Variants in ELMO3 observed in about 807,000 individuals in gnomAD.
ELMO3 encodes the protein engulfment and cell motility 3.
A neutral mutation model predicts 89.0 loss-of-function variants in ELMO3; 81 were observed. That is an observed-to-expected ratio of 0.91 (90% CI 0.76 to 1.09). ELMO3 has a LOEUF of 1.09. ELMO3 is among the 50% of genes least tolerant of loss of function. The pLI, the probability that ELMO3 is intolerant of heterozygous loss-of-function variation, is 0.00. For synonymous variants in ELMO3, 406 were observed against 400.6 expected, an observed-to-expected ratio of 1.01 and a Z score of -0.16; for missense variants, 959 against 972.8, an observed-to-expected ratio of 0.99 and a Z score of 0.19.
rs1371380502 is a variant in ELMO3 at position 67,203,396 on chromosome 16, G to A, written c.1850G>A (p.Gly617Glu). 1 of 1,611,928 alleles carries A rather than the reference G, an allele frequency of 6.2e-7. No individual in the cohort carries two copies. Among genetic ancestry groups the A allele is most frequent in the South Asian group, 1.1e-5 (1 of 90,858 alleles). Residue 617 changes from glycine to glutamate, a missense_variant, in exon 18 of 20, where the codon GGG becomes GAG. Gly to Glu is a moderately conservative substitution (Grantham distance 98, BLOSUM62 -2). Coordinates refer to ENST00000393997, the MANE Select transcript of ELMO3 (RefSeq NM_024712.5). This position sits in a 1 kb window ranked among gnomAD's most constrained non-coding sequence, Gnocchi z 4.6. The stretch of plus-strand genomic sequence containing the variant: ...CCCCATGTCCGGGAGAAGGGCTCCG[G>A]GAAGCAGAACAAGGTGAGTACAGCG... The part of the protein sequence containing the change: ...DCPHVREKGS[G>E]KQNKDLYELA...
rs762993595 is a variant in ELMO3 at position 67,202,466 on chromosome 16, G to A, written c.1331G>A (p.Cys444Tyr). The A allele has an allele frequency of 3.7e-6, 6 of 1,613,362 alleles. No homozygotes were observed. In the Admixed American group the frequency reaches 1.0e-4, roughly 27 times the overall value. ...GACCAGAGCTTCCACGAGCTCTTCTGTGTGGGCATCCAGCTGTTGAATAAG... is the reference window on the plus strand; with the variant it reads ...GACCAGAGCTTCCACGAGCTCTTCTATGTGGGCATCCAGCTGTTGAATAAG... ...GQDQSFHELF[C>Y]VGIQLLNKTW... The change falls in exon 14 of 20, where the codon TGT becomes TAT. Residue 444 changes from cysteine to tyrosine, a missense_variant. Cys to Tyr is a radical substitution (Grantham distance 194). Transcript: ENST00000393997.
rs773245154 is a variant in ELMO3 at position 67,203,896 on chromosome 16, GC to G, written c.*21del. 10 of 1,534,360 alleles carry G rather than the reference GC, an allele frequency of 6.5e-6. No homozygotes were observed. In the South Asian group the frequency reaches 1.1e-4, roughly 17 times the overall value. On this transcript the variant is annotated 3_prime_UTR_variant, in exon 20 of 20. Coordinates refer to ENST00000393997, the MANE Select transcript of ELMO3 (RefSeq NM_024712.5). This position sits in a 1 kb window ranked among gnomAD's most constrained non-coding sequence, Gnocchi z 4.6. ...ACCTTGACAGTGTGGCTGGCCATGG[GC>G]CACAGCTGCGGCCACTGCAGCAGCC...
chr16:67,199,689 G>T lies in ELMO3; in HGVS notation c.125G>T (p.Ser42Ile). The change falls in exon 3 of 20, where the codon AGC (serine) becomes ATC (isoleucine). Residue 42 changes from serine to isoleucine, a missense_variant. Coordinates refer to ENST00000393997, the MANE Select transcript of ELMO3 (RefSeq NM_024712.5). ...AVLKEVCDAWSLTHSERYALQ... is the reference protein window; with the variant it reads ...AVLKEVCDAWILTHSERYALQ... ...CTGAGCCTCGTGCCCCTCAGGTGGA[G>T]CCTGACGCACTCTGAGCGTTACGCC... The T allele has an allele frequency of 1.9e-6, 3 of 1,610,518 alleles. No individual in the cohort carries two copies. Among genetic ancestry groups the T allele is most frequent in the Non-Finnish European group, 1.7e-6 (2 of 1,179,834 alleles).
intron 1 of ELMO3, 29 bp downstream of exon 1, chr16:67,199,433 C>T (rs761717786): frequency 1.9e-6 from 3 of 1,599,600 alleles, no homozygotes; most frequent in Non-Finnish European, 1.7e-6. Context: ...CCTCCATCTG[C>T]CCCACTGCCC....
Position 67,202,516 on chromosome 16 carries a change from CAGG to C in ELMO3, c.1386_1388del (p.Glu462del), listed in dbSNP as rs1257894839. On this transcript the variant is annotated inframe_deletion, in exon 14 of 20. Coordinates refer to ENST00000393997, the MANE Select transcript of ELMO3 (RefSeq NM_024712.5). ...GACCTGGAAGGAGATGCGGGCTACA[CAGG>C]AGGACTTCGACAAGGTGGGTGGGGT... 1 of 1,612,466 alleles carries C rather than the reference CAGG, an allele frequency of 6.2e-7. No individual in the cohort carries two copies. The highest frequency in any genetic ancestry group is 1.3e-5 in the African/African-American group (1 of 75,042).
At chr16:67,202,129 C>T (rs1222135994) in intron 12 of ELMO3, 47 bp from the exon 13 acceptor site, 7 of 1,608,156 alleles carry the variant, frequency 4.4e-6, no homozygotes, top group African/African-American at 1.3e-5. Context: ...AGGCAGGGTC[C>T]CCATGGGCTT....
chr16:67,201,082 G>A (rs2033094795), intron 8 of ELMO3, 114 bp downstream of exon 8: 1 of 1,190,160 alleles, frequency 8.4e-7, no homozygotes, highest in African/African-American at 1.6e-5. Context: ...GTCTTGCTCT[G>A]TCGCCCAGGC....
rs201512929 is a variant in ELMO3 at position 67,199,673 on chromosome 16, G to A, written c.120-11G>A. The A allele has an allele frequency of 1.6e-5, 26 of 1,609,484 alleles. 1 individual carries two copies. The South Asian group carries it at 2.9e-4, about 18-fold the overall frequency. On this transcript the variant is annotated splice_polypyrimidine_tract_variant and intron_variant, in intron 2 of 19. Coordinates refer to ENST00000393997, the MANE Select transcript of ELMO3 (RefSeq NM_024712.5). ...CCCCCTGCCGGCCTCGCTGAGCCTC[G>A]TGCCCCTCAGGTGGAGCCTGACGCA...
chr16:67,200,359 C>T lies in ELMO3; in HGVS notation c.411C>T (p.Asp137=), dbSNP rs780785375. 4.3e-6 allele frequency: 7 copies of T among 1,613,718 alleles called. No individual in the cohort carries two copies. The highest frequency in any genetic ancestry group is 3.3e-4 in the Middle Eastern group (2 of 6,084). The change falls in exon 5 of 20, where the codon GAC becomes GAT. Residue 137 remains aspartate (D), a splice_region_variant and synonymous_variant. Coordinates refer to ENST00000393997, the MANE Select transcript of ELMO3 (RefSeq NM_024712.5). ...QILGTIIEDG[D]DLGEVLALSL... ...TAGGCACCATCATTGAAGATGGGGA[C>T]GAGTGAGCACAGGGATGTGTGGGCT... is the stretch of plus-strand genomic sequence containing the variant.
At chr16:67,199,451 C>G in intron 1 of ELMO3, 47 bp downstream of exon 1, 1 of 1,596,478 alleles carries the variant, frequency 6.3e-7, no homozygotes, top group Non-Finnish European at 8.5e-7. Context: ...CCCCACCTCC[C>G]GGTAGCCCCC....
At position 67,200,178 on chromosome 16, in the gene ELMO3, TC is replaced by T; in HGVS notation, c.244-12del. On this transcript the variant is annotated splice_polypyrimidine_tract_variant and intron_variant, in intron 4 of 19. Transcript: ENST00000393997. ...CCAGCCTCTTCACCTCTGCTCCTGC[TC>T]CGTTCCTGCCAGGACCTTGAGGCTG... 1.9e-6 allele frequency: 3 copies of T among 1,608,500 alleles called. No homozygotes were observed. Among genetic ancestry groups the T allele is most frequent in the Non-Finnish European group, 2.5e-6 (3 of 1,176,648 alleles).
rs2033048976 is a variant in ELMO3, at chr16:67,199,577, A to C, written c.103A>C (p.Lys35Gln). 1.2e-6 allele frequency: 2 copies of C among 1,607,550 alleles called. No individual in the cohort carries two copies. Among genetic ancestry groups the C allele is most frequent in the Non-Finnish European group, 1.7e-6 (2 of 1,178,704 alleles). The change falls in exon 2 of 20, where the codon AAG becomes CAG. Residue 35 changes from lysine (K) to glutamine (Q), a missense_variant. Physicochemically the swap from Lys to Gln is moderately conservative, Grantham distance 53. Coordinates refer to ENST00000393997, the MANE Select transcript of ELMO3 (RefSeq NM_024712.5). The stretch of plus-strand genomic sequence containing the variant: ...GGCGAAGCCCCTGGCCGCTGTGCTG[A>C]AGGAGGTGTGCGACGCGTGAGTGCT... ...DQAKPLAAVL[K>Q]EVCDAWSLTH...
intron 10 of ELMO3, 24 bp from the exon 11 acceptor site, chr16:67,201,718 C>T (rs2033114909): frequency 6.2e-7 from 1 of 1,608,078 alleles, no homozygotes; most frequent in Non-Finnish European, 8.5e-7. Context: ...GATCCCCTCC[C>T]CCGCCACCCA....
intron 1 of ELMO3, 72 bp downstream of exon 1, chr16:67,199,476 G>GGGGCCCCCC: frequency 1.3e-6 from 2 of 1,503,580 alleles, no homozygotes; most frequent in Non-Finnish European, 9.0e-7. Flanking sequence ...CCTCGGGGCA[G>GGGGCCCCCC]CCCGCCCCAC....
chr16:67,203,523 C>T lies in ELMO3; in HGVS notation c.1890C>T (p.Ile630=). Residue 630 remains isoleucine, a synonymous_variant, in exon 19 of 20, where the codon ATC becomes ATT. Coordinates refer to ENST00000393997, the MANE Select transcript of ELMO3 (RefSeq NM_024712.5). The surrounding 1 kb of genome is among the most constrained non-coding windows in gnomAD (Gnocchi z 4.6). ...NKDLYELAFS[I]SYDRGEEEAY... ...ACCTCTATGAGTTGGCCTTCTCAAT[C>T]AGCTATGACCGTGGGGAGGAGGAAG... 4.4e-6 allele frequency: 7 copies of T among 1,583,934 alleles called. No homozygotes were observed. Among genetic ancestry groups the T allele is most frequent in the Non-Finnish European group, 6.0e-6 (7 of 1,160,956 alleles).
rs112126034 is a variant in ELMO3, at chr16:67,202,623, C to G, written c.1399-4C>G. 8 of 1,613,150 alleles carry G rather than the reference C, an allele frequency of 5.0e-6. No individual in the cohort carries two copies. Among genetic ancestry groups the G allele is most frequent in the African/African-American group, 4.0e-5 (3 of 74,906 alleles). ...GGCCCTGAGCTGAGCTTGGGCGGCC[C>G]CAGGTCATGCAGGTGGTGCGGGAGC... On this transcript the variant is annotated splice_region_variant and splice_polypyrimidine_tract_variant and intron_variant, in intron 14 of 19. Coordinates refer to ENST00000393997, the MANE Select transcript of ELMO3 (RefSeq NM_024712.5).
chr16:67,200,555 G>A lies in ELMO3; in HGVS notation c.513+5G>A, dbSNP rs771941795. On this transcript the variant is annotated splice_donor_5th_base_variant and intron_variant, in intron 6 of 19. Coordinates refer to ENST00000393997, the MANE Select transcript of ELMO3 (RefSeq NM_024712.5). ...AGCATCCCCTTTGTGAGGAAGGTGG[G>A]TGGGCTTTCCTAGGGCAGCGGGTGG... 7 of 1,613,574 alleles carry A rather than the reference G, an allele frequency of 4.3e-6. No homozygotes were observed. Among genetic ancestry groups the A allele is most frequent in the South Asian group, 1.1e-5 (1 of 91,074 alleles).
rs1340170100 is a variant in ELMO3 at position 67,199,162 on chromosome 16, C to T, written c.-165C>T. 6.2e-7 allele frequency: 1 copy of T among 1,607,858 alleles called. No homozygotes were observed. The highest frequency in any genetic ancestry group is 1.1e-5 in the South Asian group (1 of 90,960). On this transcript the variant is annotated 5_prime_UTR_variant, in exon 1 of 20. Coordinates refer to ENST00000393997, the MANE Select transcript of ELMO3 (RefSeq NM_024712.5). Reference sequence around the variant, plus strand: ...AACCTCGGCTCCCTTGGGAAGGCCGCGTTGCATGGCCAGGAGCAGCAGTCT... The same window carrying T: ...AACCTCGGCTCCCTTGGGAAGGCCGTGTTGCATGGCCAGGAGCAGCAGTCT...
At chr16:67,201,117 C>T in intron 8 of ELMO3, 149 bp downstream of exon 8, 8 of 981,166 alleles carry the variant, frequency 8.2e-6, no homozygotes, top group African/African-American at 1.7e-5. Context: ...GCGATCTTGG[C>T]TCACTGCAAG....
Sources: gnomAD v4.1 joint callset for allele counts on GRCh38, gnomAD v4.1.1 for gene constraint, Gnocchi (gnomAD v3.1) non-coding constraint, MANE v1.5 for transcripts, NCBI Gene and HGNC (gene_info 2026-07-23, HGNC 2026-07-21) for gene names.